The following ROBO2 variants were observed in gnomAD, a reference collection of about 807,000 sequenced individuals.
ROBO2 encodes roundabout homolog 2.
Under a neutral mutation model 160.8 loss-of-function variants are expected in ROBO2, and 53 were observed. That is an observed-to-expected ratio of 0.33 (90% CI 0.26 to 0.41). The LOEUF is 0.41. Among genes scored for constraint, ROBO2 ranks in the 10% least tolerant of loss-of-function variants. The pLI is 1.00. For missense variants in ROBO2, 1,577 were observed against 1,722.4 expected, an observed-to-expected ratio of 0.92 and a Z score of 1.49; for synonymous variants, 664 against 611.7, an observed-to-expected ratio of 1.09 and a Z score of -1.26.
chr3:77,356,085 T>C (rs1281396671), intron 2 of ROBO2, among the ~76,000 whole-genome samples: 2 of 152,184 alleles, frequency 1.3e-5, no homozygotes, highest in African/African-American at 4.8e-5. Context: ...GGGCATAGAT[T>C]GTTTTGCATC....
intron 2 of ROBO2, among the ~76,000 whole-genome samples, chr3:77,140,035 CT>C (rs1227073003): frequency 1.3e-5 from 2 of 152,176 alleles, no homozygotes; most frequent in Non-Finnish European, 2.9e-5. Flanking sequence ...TTTGCCCTGA[CT>C]TTGTCAACTG....
At chr3:76,376,102 T>C (rs2076333232) in intron 2 of ROBO2, among the ~76,000 whole-genome samples, 2 of 152,154 alleles carry the variant, frequency 1.3e-5, no homozygotes, top group African/African-American at 2.4e-5. Context: ...ATCATATTTG[T>C]TGAATGCTTT....
intron 2 of ROBO2, among the ~76,000 whole-genome samples, chr3:76,037,089 C>G (rs1222226386): frequency 6.6e-6 from 1 of 151,862 alleles, no homozygotes; most frequent in Non-Finnish European, 1.5e-5. Context: ...TCATCCATCT[C>G]CATTGTATAT....
At chr3:76,884,685 T>C (rs915345221) in intron 2 of ROBO2, among the ~76,000 whole-genome samples, 1 of 152,224 alleles carries the variant, frequency 6.6e-6, no homozygotes, top group African/African-American at 2.4e-5. Context: ...GCTGTTTCAA[T>C]ATTTTATGTT....
chr3:77,029,508 C>A (rs2149544405), intron 2 of ROBO2, among the ~76,000 whole-genome samples: 1 of 152,256 alleles, frequency 6.6e-6, no homozygotes, highest in South Asian at 2.1e-4. Flanking sequence ...CTTAAGTCTT[C>A]TATTTGCTGC....
At chr3:76,318,865 G>T (rs1439351384) in intron 2 of ROBO2, among the ~76,000 whole-genome samples, 1 of 152,026 alleles carries the variant, frequency 6.6e-6, no homozygotes, top group Non-Finnish European at 1.5e-5. Flanking sequence ...TCAAAAAAAA[G>T]AAATTCCAAA....
At chr3:76,011,753 T>C (rs899825064) in intron 2 of ROBO2, among the ~76,000 whole-genome samples, 2 of 152,220 alleles carry the variant, frequency 1.3e-5, no homozygotes, top group Non-Finnish European at 1.5e-5. Context: ...TATGTAGACA[T>C]TATGCTCCTC....
At chr3:76,976,225 G>A (rs1158932408) in intron 2 of ROBO2, among the ~76,000 whole-genome samples, 1 of 152,076 alleles carries the variant, frequency 6.6e-6, no homozygotes, top group Admixed American at 6.6e-5. Context: ...TTGTTTTCCA[G>A]GTAAATAAAA....
At chr3:75,989,759 A>G (rs1001618458) in intron 2 of ROBO2, among the ~76,000 whole-genome samples, 5 of 152,244 alleles carry the variant, frequency 3.3e-5, no homozygotes, top group African/African-American at 7.2e-5. Context: ...ACTCATAGAG[A>G]TATAAGAGGG....
chr3:76,264,609 C>T (rs564323233), intron 2 of ROBO2, among the ~76,000 whole-genome samples: 1 of 152,202 alleles, frequency 6.6e-6, no homozygotes, highest in Non-Finnish European at 1.5e-5. Flanking sequence ...GAAATAGTTA[C>T]AGATTCATAG....
At chr3:77,127,683 G>T (rs2075466276) in intron 2 of ROBO2, among the ~76,000 whole-genome samples, 3 of 152,112 alleles carry the variant, frequency 2.0e-5, no homozygotes, top group African/African-American at 7.2e-5. Context: ...CCATAAAGTT[G>T]ACATTTTATC....
intron 2 of ROBO2, among the ~76,000 whole-genome samples, chr3:76,869,343 T>TG (rs1491226013): frequency 2.0e-5 from 1 of 49,580 alleles, no homozygotes; most frequent in Admixed American, 2.0e-4. Flanking sequence ...GAAATTGATG[T>TG]TTTTTTTTTT....
intron 2 of ROBO2, among the ~76,000 whole-genome samples, chr3:76,441,470 T>C (rs182581395): frequency 5.9e-5 from 9 of 152,280 alleles, no homozygotes; most frequent in African/African-American, 4.8e-5. Context: ...TCTTGAAAAG[T>C]TGTATATTCA....
At chr3:77,360,540 A>G (rs2069808722) in intron 2 of ROBO2, among the ~76,000 whole-genome samples, 1 of 152,134 alleles carries the variant, frequency 6.6e-6, no homozygotes, top group Non-Finnish European at 1.5e-5. Flanking sequence ...TGTTTTACCA[A>G]TAAATTTCTT....
chr3:77,647,209 A>G (rs2095418395), exon 26 of ROBO2: 1 of 152,368 alleles, frequency 6.6e-6, no homozygotes, highest in Non-Finnish European at 1.5e-5. Flanking sequence ...TAAATTCATG[A>G]CTTAAAAAAT....
chr3:76,361,752 G>A (rs2075535387), intron 2 of ROBO2, among the ~76,000 whole-genome samples: 2 of 151,946 alleles, frequency 1.3e-5, no homozygotes, highest in African/African-American at 4.8e-5. Flanking sequence ...ATTATATCCT[G>A]AAATTGAAAA....
chr3:75,961,023 T>G (rs1398688085), intron 2 of ROBO2, among the ~76,000 whole-genome samples: 1 of 151,654 alleles, frequency 6.6e-6, no homozygotes, highest in Admixed American at 6.6e-5. Flanking sequence ...GTTTTAACTC[T>G]TTATTCAGTA....
chr3:76,795,098 T>G lies in ROBO2; in HGVS notation c.110-302916T>G, dbSNP rs190221512. Among the ~76,000 whole-genome samples the G allele has an allele frequency of 9.2e-3, 1,401 of 152,210 alleles. 19 individuals carry two copies. The highest frequency in any genetic ancestry group is 0.021 in the South Asian group (101 of 4,826). ...TGCAATACCATTATGTCTAAAAATG[T>G]TAATATATTAATAAAAATAATTCGT... On this transcript the variant is annotated intron_variant, in intron 2 of 26. Transcript: ENST00000487694.
Position 77,434,315 on chromosome 3 carries a change from C to T in ROBO2, c.389-43099C>T, listed in dbSNP as rs114475380. Among the ~76,000 whole-genome samples, 742 of 152,062 alleles carry T rather than the reference C, an allele frequency of 4.9e-3. 4 individuals carry two copies. The highest frequency in any genetic ancestry group is 0.017 in the African/African-American group (705 of 41,490). On this transcript the variant is annotated intron_variant, in intron 2 of 25. Transcript: ENST00000461745. Reference sequence around the variant, plus strand: ...AGAATGATCAGACTAGGTGAGGACCCCCAAATTTCCCATTTGCAACTGTAT... The same window carrying T: ...AGAATGATCAGACTAGGTGAGGACCTCCAAATTTCCCATTTGCAACTGTAT...
Sources: allele counts gnomAD v4.1 joint callset (sites outside exome capture counted in the v4.1 genomes callset), GRCh38; gene constraint gnomAD v4.1.1; transcripts MANE v1.5; gene names NCBI Gene and HGNC (gene_info 2026-07-23, HGNC 2026-07-21).